The following DCDC2C variants were observed in gnomAD, a reference collection of about 807,000 sequenced individuals.
The protein encoded by DCDC2C is doublecortin domain containing 2C, also known as doublecortin domain-containing protein 2C.
Under a neutral mutation model 45.0 loss-of-function variants are expected in DCDC2C, and 44 were observed. The observed-to-expected ratio is 0.98, with a 90% CI of 0.77 to 1.26. The LOEUF is 1.26. Among genes scored for constraint, DCDC2C ranks in the 50% most tolerant of loss-of-function variants. The pLI is 0.00. For synonymous variants in DCDC2C, 187 were observed against 178.8 expected (o/e 1.05, Z -0.37); for missense variants, 447 against 468.9 (o/e 0.95, Z 0.43).
chr2:3,758,308 T>A (rs1669781041), intron 6 of DCDC2C, among the ~76,000 whole-genome samples: 1 of 152,222 alleles, frequency 6.6e-6, no homozygotes, highest in Non-Finnish European at 1.5e-5. Flanking sequence ...AGGTGCTAGT[T>A]GCTCATGGAT....
In DCDC2C at chr2:3,703,709, C is replaced by T; in HGVS notation, c.-43C>T. On this transcript the variant is annotated 5_prime_UTR_variant, in exon 1 of 11. Coordinates refer to ENST00000399143, the MANE Select transcript of DCDC2C (RefSeq NM_001287444.2). The surrounding 1 kb of genome is among the most constrained non-coding windows in gnomAD (Gnocchi z 4.4). The stretch of plus-strand genomic sequence containing the variant: ...TCTGCAGGCGTCGCTGCCCGCGCTG[C>T]CGCAGCCTCTCGGCCCCGGCGAGCG... The T allele has an allele frequency of 8.2e-7, 1 of 1,225,594 alleles. No homozygotes were observed. Among genetic ancestry groups the T allele is most frequent in the Non-Finnish European group, 1.0e-6 (1 of 983,782 alleles). 75.9% of individuals were successfully genotyped at this position (1,225,594 alleles called of 1,614,324 possible).
intron 10 of DCDC2C, among the ~76,000 whole-genome samples, chr2:3,811,404 C>A (rs957023117): frequency 6.6e-6 from 1 of 152,008 alleles, no homozygotes; most frequent in African/African-American, 2.4e-5. Flanking sequence ...TGTAAAGAAT[C>A]CTTGTGATTT....
intron 10 of DCDC2C, among the ~76,000 whole-genome samples, chr2:3,824,207 T>G (rs1291383657): frequency 1.3e-5 from 2 of 152,234 alleles, no homozygotes; most frequent in East Asian, 3.9e-4. Context: ...TGGTGAGTTA[T>G]TTTTTCTCTT....
chr2:3,708,469 G>A, intron 1 of DCDC2C, 80 bp from the exon 2 acceptor site: 1 of 1,121,500 alleles, frequency 8.9e-7, no homozygotes, highest in Non-Finnish European at 1.3e-6. Context: ...AGCCGGAAAA[G>A]GACTCGTTTC....
intron 10 of DCDC2C, among the ~76,000 whole-genome samples, chr2:3,790,480 A>G (rs961599803): frequency 2.0e-5 from 3 of 152,180 alleles, no homozygotes; most frequent in Non-Finnish European, 4.4e-5. Flanking sequence ...GTGCTTTCTC[A>G]ATCAGTGGAG....
intron 10 of DCDC2C, among the ~76,000 whole-genome samples, chr2:3,832,157 C>T (rs941062912): frequency 1.3e-5 from 2 of 152,194 alleles, no homozygotes; most frequent in East Asian, 3.9e-4. Flanking sequence ...AAACATCTGC[C>T]AACACTAAAT....
At chr2:3,719,603 C>T (rs1668438114) in intron 2 of DCDC2C, among the ~76,000 whole-genome samples, 1 of 152,190 alleles carries the variant, frequency 6.6e-6, no homozygotes, top group Non-Finnish European at 1.5e-5. Context: ...ATCCCCCTGC[C>T]TCTGGAGCCC....
At chr2:3,779,323 G>A (rs1250404557) in intron 9 of DCDC2C, among the ~76,000 whole-genome samples, 1 of 152,192 alleles carries the variant, frequency 6.6e-6, no homozygotes, top group East Asian at 1.9e-4. Context: ...GGGTGAGGGC[G>A]TGCGGTGCCT....
intron 10 of DCDC2C, among the ~76,000 whole-genome samples, chr2:3,802,182 G>C (rs1486031792): frequency 6.6e-6 from 1 of 152,242 alleles, no homozygotes. Context: ...ATAAACTGCT[G>C]CCATGTCATC....
intron 10 of DCDC2C, among the ~76,000 whole-genome samples, chr2:3,798,164 T>G (rs1441829615): frequency 2.6e-5 from 4 of 152,006 alleles, no homozygotes; most frequent in Admixed American, 2.6e-4. Flanking sequence ...TGGTTTAAAG[T>G]CTGTTTTATC....
intron 10 of DCDC2C, among the ~76,000 whole-genome samples, chr2:3,798,694 T>C (rs1280915187): frequency 6.6e-6 from 1 of 151,612 alleles, no homozygotes; most frequent in Non-Finnish European, 1.5e-5. Flanking sequence ...TGTTGAATAT[T>C]GGCCCCCACT....
At position 3,754,600 on chromosome 2, in the gene DCDC2C, C is replaced by G. The variant is rs891700130; in HGVS notation, c.692C>G (p.Ala231Gly). 6.5e-7 allele frequency: 1 copy of G among 1,548,912 alleles called. No homozygotes were observed. The highest frequency in any genetic ancestry group is 8.7e-7 in the Non-Finnish European group (1 of 1,146,466). Residue 231 changes from alanine (A) to glycine (G), a missense_variant, in exon 6 of 11, where the codon GCG becomes GGG. Coordinates refer to ENST00000399143, the MANE Select transcript of DCDC2C (RefSeq NM_001287444.2). ...CATCTTTTGTCTTGCAGAAGGTATG[C>G]GAATGTTGAAAAAAACTCACAGAGA... The part of the protein sequence containing the change: ...RVPSEVQQRY[A>G]NVEKNSQRKK...
At chr2:3,749,970 C>T (rs1215113129) in intron 4 of DCDC2C, among the ~76,000 whole-genome samples, 1 of 152,102 alleles carries the variant, frequency 6.6e-6, no homozygotes, top group Non-Finnish European at 1.5e-5. Context: ...TTTACAGTTA[C>T]CCAGCTGCTG....
At chr2:3,807,746 C>A (rs1002249875) in intron 10 of DCDC2C, among the ~76,000 whole-genome samples, 1 of 152,000 alleles carries the variant, frequency 6.6e-6, no homozygotes, top group Non-Finnish European at 1.5e-5. Flanking sequence ...TCCCATGCCA[C>A]CCCCATGCCC....
intron 4 of DCDC2C, among the ~76,000 whole-genome samples, chr2:3,742,273 C>T (rs34918604): frequency 0.018 from 2,701 of 152,296 alleles, 77 homozygotes; most frequent in African/African-American, 0.062. Flanking sequence ...CTACCATGTG[C>T]TAGGGGTGGA....
chr2:3,779,613 T>A (rs1670454556), intron 9 of DCDC2C, among the ~76,000 whole-genome samples: 1 of 152,242 alleles, frequency 6.6e-6, no homozygotes, highest in Admixed American at 6.5e-5. Flanking sequence ...GGTAGTCTCT[T>A]GTTTTTAAAA....
At chr2:3,799,948 C>T (rs1218265827) in intron 10 of DCDC2C, among the ~76,000 whole-genome samples, 7 of 152,336 alleles carry the variant, frequency 4.6e-5, no homozygotes, top group South Asian at 4.1e-4. Flanking sequence ...TGGGCAATGG[C>T]GGGCGCCCCT....
chr2:3,781,919 A>G (rs1282198893), intron 9 of DCDC2C, among the ~76,000 whole-genome samples: 3 of 152,208 alleles, frequency 2.0e-5, no homozygotes, highest in African/African-American at 4.8e-5. Context: ...CTGATGCTTG[A>G]TCACAAACGT....
intron 9 of DCDC2C, 135 bp from the exon 10 acceptor site, chr2:3,784,922 GCC>G (rs1274626120): frequency 1.6e-5 from 8 of 515,236 alleles, no homozygotes; most frequent in Non-Finnish European, 2.4e-5. Flanking sequence ...GAGGCTTTAC[GCC>G]AAGCTCCTGA....
Sources: gnomAD v4.1 joint callset for allele counts (sites outside exome capture counted in the v4.1 genomes callset) on GRCh38, gnomAD v4.1.1 for gene constraint, Gnocchi (gnomAD v3.1) non-coding constraint, MANE v1.5 for transcripts, NCBI Gene and HGNC (gene_info 2026-07-23, HGNC 2026-07-21) for gene names.